The following RIN3 variants were observed in gnomAD, a reference collection of about 807,000 sequenced individuals.
RIN3 encodes RAB5 interacting protein 3.
In RIN3, 54 loss-of-function variants were observed where a neutral mutation model predicts 76.3. The observed-to-expected ratio is 0.71, with a 90% CI of 0.57 to 0.89. RIN3 has a LOEUF of 0.89. Among genes scored for constraint, RIN3 ranks in the 40% least tolerant of loss-of-function variants. The pLI is 0.00. For missense variants in RIN3, 1,256 were observed against 1,322.1 expected (o/e 0.95, Z 0.78); for synonymous variants, 576 against 564.0 (o/e 1.02, Z -0.30).
chr14:92,653,625 C>T (rs142631194), intron 6 of RIN3, among the ~76,000 whole-genome samples: 84 of 152,340 alleles, frequency 5.5e-4, no homozygotes, highest in Admixed American at 4.8e-3. Context: ...CCCTAGCCTT[C>T]CCCACCCTCA....
chr14:92,524,021 C>T (rs1489705871), intron 1 of RIN3, among the ~76,000 whole-genome samples: 5 of 152,206 alleles, frequency 3.3e-5, no homozygotes, highest in Admixed American at 1.3e-4. Context: ...AGCAAGACCC[C>T]GTCTCTACAA....
At chr14:92,561,135 TTATA>T (rs1228069915) in intron 2 of RIN3, among the ~76,000 whole-genome samples, 7 of 86,126 alleles carry the variant, frequency 8.1e-5, no homozygotes, top group African/African-American at 2.4e-4. Flanking sequence ...ATATTTATAT[TTATA>T]TATATTTTTA....
intron 1 of RIN3, among the ~76,000 whole-genome samples, chr14:92,554,683 G>A (rs1197796150): frequency 6.6e-6 from 1 of 152,228 alleles, no homozygotes; most frequent in African/African-American, 2.4e-5. Context: ...TACTTCGGGA[G>A]GCCGAGGTGG....
Position 92,652,122 on chromosome 14 carries a change from C to T in RIN3, c.1073C>T (p.Ala358Val), listed in dbSNP as rs1307165801. The change falls in exon 6 of 10, where the codon GCG (alanine) becomes GTG (valine). Residue 358 changes from alanine (A) to valine (V), a missense_variant. Ala to Val is a moderately conservative substitution (Grantham distance 64). This residue lies in a region of RIN3 where 610 missense variants were observed against 626.4 expected (regional missense o/e 0.97). Coordinates refer to ENST00000216487, the MANE Select transcript of RIN3 (RefSeq NM_024832.5). The surrounding 1 kb of genome is among the most constrained non-coding windows in gnomAD (Gnocchi z 6.4). ...GGCCTGGGCCCCCTCAGGGAGGAAGCGATGAAGCCAGGGGCAGCCTCCAGT... is the reference window on the plus strand; with the variant it reads ...GGCCTGGGCCCCCTCAGGGAGGAAGTGATGAAGCCAGGGGCAGCCTCCAGT... The part of the protein sequence containing the change: ...TAGLGPLREE[A>V]MKPGAASSPL... 4.4e-6 allele frequency: 7 copies of T among 1,608,136 alleles called. No individual in the cohort carries two copies. Among genetic ancestry groups the T allele is most frequent in the Non-Finnish European group, 1.7e-6 (2 of 1,179,610 alleles).
intron 1 of RIN3, among the ~76,000 whole-genome samples, chr14:92,517,941 C>A (rs1229828275): frequency 6.6e-6 from 1 of 152,180 alleles, no homozygotes; most frequent in Non-Finnish European, 1.5e-5. Context: ...TAAAAGGTCC[C>A]TCAAGAAAGT....
chr14:92,531,022 G>A (rs1402363403), intron 1 of RIN3, among the ~76,000 whole-genome samples: 1 of 152,132 alleles, frequency 6.6e-6, no homozygotes, highest in Non-Finnish European at 1.5e-5. Context: ...TGGGATGGGT[G>A]TGCCTGTCAT....
chr14:92,621,955 C>A (rs950061428), intron 4 of RIN3, among the ~76,000 whole-genome samples: 3 of 152,206 alleles, frequency 2.0e-5, no homozygotes, highest in African/African-American at 7.2e-5. Flanking sequence ...TCGGGTAAAG[C>A]AGTTTGGTTG....
chr14:92,642,985 A>G lies in RIN3; in HGVS notation c.532+1656A>G, dbSNP rs192331379. On this transcript the variant is annotated intron_variant, in intron 5 of 9. Coordinates refer to ENST00000216487, the MANE Select transcript of RIN3 (RefSeq NM_024832.5). ...GGTTAAGTCATGTCCAGTTTCACAC[A>G]GCACATGGCAGAGCTTGGATGAACC... Among the ~76,000 whole-genome samples the G allele has an allele frequency of 2.0e-5, 3 of 152,324 alleles. No individual in the cohort carries two copies. In the East Asian group the frequency reaches 5.8e-4, roughly 29 times the overall value.
intron 3 of RIN3, among the ~76,000 whole-genome samples, chr14:92,589,039 C>T (rs889075947): frequency 6.6e-6 from 1 of 152,190 alleles, no homozygotes; most frequent in African/African-American, 2.4e-5. Context: ...CCCATGCCCA[C>T]ATTCACCCAG....
rs1897970056 is a variant in RIN3 at position 92,568,310 on chromosome 14, C to T, written c.250-9050C>T. Among the ~76,000 whole-genome samples, 1 of 152,110 alleles carries T rather than the reference C, an allele frequency of 6.6e-6. No individual in the cohort carries two copies. The highest frequency in any genetic ancestry group is 1.5e-5 in the Non-Finnish European group (1 of 68,028). ...GTATGACCTGGGGACACTCGATCAG[C>T]GAGTGGGCAGGGAGGCAATGTAGAT... is the stretch of plus-strand genomic sequence containing the variant. On this transcript the variant is annotated intron_variant, in intron 2 of 9. Coordinates refer to ENST00000216487, the MANE Select transcript of RIN3 (RefSeq NM_024832.5). This position sits in a 1 kb window ranked among gnomAD's most constrained non-coding sequence, Gnocchi z 4.2.
Position 92,652,853 on chromosome 14 carries a change from T to C in RIN3, c.1804T>C (p.Tyr602His), listed in dbSNP as rs1225046492. 17 of 1,613,936 alleles carry C rather than the reference T, an allele frequency of 1.1e-5. No homozygotes were observed. The highest frequency in any genetic ancestry group is 1.4e-5 in the Non-Finnish European group (17 of 1,180,028). The change falls in exon 6 of 10, where the codon TAC becomes CAC. Residue 602 changes from tyrosine to histidine, a missense_variant. Around this residue, in one of 3 missense-constraint regions of RIN3, gnomAD observed 428 missense variants for 521.2 expected, o/e 0.82. Transcript: ENST00000216487. This position sits in a 1 kb window ranked among gnomAD's most constrained non-coding sequence, Gnocchi z 6.4. The part of the protein sequence containing the change: ...HAFLSNNRKL[Y>H]KKVVELAQDK... ...TTTCCTCTCCAACAACCGCAAGCTG[T>C]ACAAGAAGGTGGTGGAGCTGGCGCA... is the stretch of plus-strand genomic sequence containing the variant.
At chr14:92,527,602 C>A (rs1566827813) in intron 1 of RIN3, among the ~76,000 whole-genome samples, 1 of 152,216 alleles carries the variant, frequency 6.6e-6, no homozygotes, top group South Asian at 2.1e-4. Context: ...AGCCATGCAA[C>A]TGCCACTGCA....
Position 92,585,002 on chromosome 14 carries a change from C to CTTTA in RIN3, c.367+7543_367+7546dup, listed in dbSNP as rs572977306. ...ATTTCCTGCCTATTCCCCTGGCTTG[C>CTTTA]TTTATTTATTTATTTATTTATAGAG... On this transcript the variant is annotated intron_variant, in intron 3 of 9. Transcript: ENST00000216487. Among the ~76,000 whole-genome samples, 154 of 152,100 alleles carry CTTTA rather than the reference C, an allele frequency of 1.0e-3. 3 individuals are homozygous for CTTTA. The South Asian group carries it at 0.025, about 25-fold the overall frequency.
rs896810620 is a variant in RIN3, at chr14:92,681,786, G to A, written c.2468-3201G>A. ...GGCTTTAAACCTAACTTAAAATGGA[G>A]ATACGTAAGTGGTTTAGTGGTTCTT... On this transcript the variant is annotated intron_variant, in intron 8 of 9. Coordinates refer to ENST00000216487, the MANE Select transcript of RIN3 (RefSeq NM_024832.5). This position sits in a 1 kb window ranked among gnomAD's most constrained non-coding sequence, Gnocchi z 4.7. Among the ~76,000 whole-genome samples the A allele has an allele frequency of 1.5e-4, 23 of 152,238 alleles. No homozygotes were observed. Among genetic ancestry groups the A allele is most frequent in the African/African-American group, 5.5e-4 (23 of 41,458 alleles).
intron 2 of RIN3, among the ~76,000 whole-genome samples, chr14:92,561,044 A>AAATATATATATATATATATATATATAT (rs1555383856): frequency 2.0e-4 from 5 of 24,398 alleles, no homozygotes; most frequent in Admixed American, 6.8e-4. Context: ...AAAAAAAAAA[A>AAATATATATATATATATATATATATAT]ATATATATAT....
chr14:92,544,890 C>T (rs1473415495), intron 1 of RIN3, among the ~76,000 whole-genome samples: 1 of 152,086 alleles, frequency 6.6e-6, no homozygotes, highest in Non-Finnish European at 1.5e-5. Flanking sequence ...TCGCACCCCT[C>T]CCTGATCCTA....
Position 92,688,588 on chromosome 14 carries a change from C to T in RIN3, c.*336C>T. ...CTCCTCAGGCCATTCCCCATGAGTC[C>T]CCCACACCCACCCCATCCTCGGTCT... On this transcript the variant is annotated 3_prime_UTR_variant, in exon 10 of 10. Transcript: ENST00000216487. 2.8e-6 allele frequency: 1 copy of T among 351,512 alleles called. No homozygotes were observed. The highest frequency in any genetic ancestry group is 5.2e-6 in the Non-Finnish European group (1 of 192,132). 21.8% of individuals were successfully genotyped at this position (351,512 alleles called of 1,614,324 possible).
At chr14:92,549,406 G>A (rs1016071902) in intron 1 of RIN3, among the ~76,000 whole-genome samples, 1 of 152,180 alleles carries the variant, frequency 6.6e-6, no homozygotes, top group Non-Finnish European at 1.5e-5. Flanking sequence ...ACCCTGTGAA[G>A]CTGGGAAACT....
chr14:92,567,379 C>G (rs1897942265), intron 2 of RIN3, among the ~76,000 whole-genome samples: 1 of 152,116 alleles, frequency 6.6e-6, no homozygotes, highest in Non-Finnish European at 1.5e-5. Context: ...CTGAGTGGTT[C>G]TTCTGTTGGT....
Sources: gnomAD v4.1 joint callset for allele counts (sites outside exome capture counted in the v4.1 genomes callset) on GRCh38, gnomAD v4.1.1 for gene constraint, gnomAD v4.1.1 regional missense constraint, Gnocchi (gnomAD v3.1) non-coding constraint, MANE v1.5 for transcripts, NCBI Gene and HGNC (gene_info 2026-07-23, HGNC 2026-07-21) for gene names.